Variants in CUX1 observed in about 807,000 individuals in gnomAD.
The protein encoded by CUX1 is cut like homeobox 1.
A neutral mutation model predicts 158.8 loss-of-function variants in CUX1; 31 were observed. The ratio of observed to expected loss-of-function variants is 0.20; its 90% CI spans 0.15 to 0.26. CUX1 has a LOEUF of 0.26. Ranked by LOEUF, CUX1 falls within the 10% of genes least tolerant of loss-of-function variation. The pLI is 1.00. For synonymous variants in CUX1, 879 were observed against 862.1 expected (o/e 1.02, Z -0.34); for missense variants, 1,589 against 2,014.6 (o/e 0.79, Z 4.04).
At chr7:102,226,320 G>T (rs1554528577) in intron 20 of CUX1, among the ~76,000 whole-genome samples, 1 of 152,196 alleles carries the variant, frequency 6.6e-6, no homozygotes. Flanking sequence ...AAGTCCCAAG[G>T]TTGGAGGTAG....
At chr7:101,939,106 T>G (rs1807370294) in intron 2 of CUX1, among the ~76,000 whole-genome samples, 1 of 93,734 alleles carries the variant, frequency 1.1e-5, no homozygotes, top group African/African-American at 4.6e-5. Context: ...TATATATATA[T>G]ATATATATGA....
At chr7:102,282,769 G>A (rs1039450561) in exon 22 of CUX1, 21 of 1,612,918 alleles carry the variant, frequency 1.3e-5, no homozygotes, top group Non-Finnish European at 1.5e-5. Flanking sequence ...CACCTTCTGC[G>A]CCAAGAAGTG....
intron 8 of CUX1, among the ~76,000 whole-genome samples, chr7:102,152,012 G>C (rs964058892): frequency 2.6e-5 from 4 of 152,074 alleles, no homozygotes; most frequent in Non-Finnish European, 4.4e-5. Context: ...TTCAAGACCA[G>C]CCTCGGCAAC....
intron 7 of CUX1, among the ~76,000 whole-genome samples, chr7:102,113,070 A>G (rs541057192): frequency 5.3e-4 from 80 of 152,294 alleles, no homozygotes; most frequent in African/African-American, 1.8e-3. Context: ...AAGGAGAGAA[A>G]CAGTGCAGTC....
downstream of CUX1, among the ~76,000 whole-genome samples, chr7:102,259,741 TA>T (rs11306437): frequency 0.49 from 36,449 of 74,428 alleles, 5,145 homozygotes; most frequent in Non-Finnish European, 0.55. Context: ...TAAGAAATGT[TA>T]AAAAAAAAAA....
intron 2 of CUX1, among the ~76,000 whole-genome samples, chr7:101,945,379 C>G (rs1808243986): frequency 6.6e-6 from 1 of 152,172 alleles, no homozygotes; most frequent in African/African-American, 2.4e-5. Context: ...TTAAAAGTCA[C>G]TAATACTTTT....
At position 102,255,497 on chromosome 7, in the gene CUX1, T is replaced by G; in HGVS notation, c.*6455T>G. 6 of 985,316 alleles carry G rather than the reference T, an allele frequency of 6.1e-6. No homozygotes were observed. Among genetic ancestry groups the G allele is most frequent in the Non-Finnish European group, 7.2e-6 (6 of 829,902 alleles). The allele number at this position is 985,316 out of a possible 1,614,324, so 61.0% of individuals were successfully genotyped here. On this transcript the variant is annotated 3_prime_UTR_variant, in exon 24 of 24. Coordinates refer to ENST00000292535, the MANE Select transcript of CUX1 (RefSeq NM_181552.4). ...CTTAAACTCTTAAGATGCCTTTGAG[T>G]TGCTTTTCATGAATCCTTTTAGTTT... is the stretch of plus-strand genomic sequence containing the variant.
At chr7:102,271,021 T>C (rs1791179004) in intron 14 of CUX1, among the ~76,000 whole-genome samples, 1 of 152,136 alleles carries the variant, frequency 6.6e-6, no homozygotes, top group African/African-American at 2.4e-5. Context: ...AAGACCACAC[T>C]GGGGTGGTCA....
rs377645698 is a variant in CUX1 at position 102,283,049 on chromosome 7, G to C, written c.1996G>C (p.Glu666Gln). ...CGCTGACCACCTGCACAAGTTCCAC[G>C]AGAATGACAACGGGGCTGCGGCTGG... The change falls in exon 23 of 23, where the codon GAG becomes CAG. Residue 666 changes from glutamate (E) to glutamine (Q), a missense_variant. By Grantham distance (29) the Glu-to-Gln change is conservative. Coordinates refer to the CUX1 transcript ENST00000292538. 21 of 1,612,710 alleles carry C rather than the reference G, an allele frequency of 1.3e-5. No individual in the cohort carries two copies. The East Asian group carries it at 2.5e-4, about 19-fold the overall frequency.
chr7:102,121,275 C>T (rs1585772285), intron 8 of CUX1, among the ~76,000 whole-genome samples: 1 of 151,858 alleles, frequency 6.6e-6, no homozygotes, highest in Non-Finnish European at 1.5e-5. Context: ...TCAAGTGATT[C>T]TTCTGCCTCA....
At chr7:101,860,735 C>CCCTTCCTTCCTCCCTT (rs1797355359) in intron 1 of CUX1, among the ~76,000 whole-genome samples, 1 of 90,442 alleles carries the variant, frequency 1.1e-5, no homozygotes, top group African/African-American at 4.2e-5. Context: ...TCCCCTTCCT[C>CCCTTCCTTCCTCCCTT]CCTTCCTTCC....
At chr7:101,862,717 G>A (rs574095672) in intron 1 of CUX1, among the ~76,000 whole-genome samples, 17 of 152,220 alleles carry the variant, frequency 1.1e-4, no homozygotes, top group African/African-American at 2.6e-4. Context: ...CATCAGGCTC[G>A]TTGTGGAGAC....
intron 2 of CUX1, among the ~76,000 whole-genome samples, chr7:101,995,653 C>T (rs1815754910): frequency 6.6e-6 from 1 of 152,166 alleles, no homozygotes; most frequent in Non-Finnish European, 1.5e-5. Flanking sequence ...TAGAGTTACT[C>T]GTCCAAAACT....
At chr7:102,029,974 G>C (rs1242235630) in intron 3 of CUX1, among the ~76,000 whole-genome samples, 1 of 150,316 alleles carries the variant, frequency 6.7e-6, no homozygotes, top group Non-Finnish European at 1.5e-5. Context: ...TTTCAAAGCT[G>C]TGTAAAAATG....
intron 19 of CUX1, chr7:102,280,243 C>G (rs1791962848): frequency 3.1e-6 from 2 of 652,144 alleles, no homozygotes; most frequent in South Asian, 3.5e-5. Context: ...CTCCACCTGC[C>G]CTTGTCTGGG....
At chr7:102,278,629 T>TA (rs1791790644) in intron 18 of CUX1, among the ~76,000 whole-genome samples, 1 of 41,606 alleles carries the variant, frequency 2.4e-5, no homozygotes, top group Non-Finnish European at 5.6e-5. Context: ...AAAATAAAAT[T>TA]AAAATAAAAT....
At chr7:101,908,803 C>T (rs1374008521) in intron 1 of CUX1, among the ~76,000 whole-genome samples, 1 of 152,186 alleles carries the variant, frequency 6.6e-6, no homozygotes, top group Admixed American at 6.5e-5. Context: ...TGAGAGTACA[C>T]AAAATGAACT....
intron 8 of CUX1, among the ~76,000 whole-genome samples, chr7:102,124,382 C>T (rs529833946): frequency 3.9e-5 from 6 of 152,362 alleles, no homozygotes; most frequent in African/African-American, 1.4e-4. Flanking sequence ...TACCTGCACT[C>T]ACACGTTTAT....
intron 1 of CUX1, among the ~76,000 whole-genome samples, chr7:101,863,845 A>G (rs1475208240): frequency 6.6e-6 from 1 of 152,160 alleles, no homozygotes; most frequent in South Asian, 2.1e-4. Flanking sequence ...CACAGTGTCA[A>G]AGTTCCTCCA....
Sources: gnomAD v4.1 joint callset for allele counts (sites outside exome capture counted in the v4.1 genomes callset) on GRCh38, gnomAD v4.1.1 for gene constraint, MANE v1.5 for transcripts, NCBI Gene and HGNC (gene_info 2026-07-23, HGNC 2026-07-21) for gene names.